Variants in HACD2 observed in about 807,000 individuals in gnomAD.
The protein encoded by HACD2 is very-long-chain (3R)-3-hydroxyacyl-CoA dehydratase 2.
A neutral mutation model predicts 31.0 loss-of-function variants in HACD2; 15 were observed. The ratio of observed to expected loss-of-function variants is 0.48; its 90% CI spans 0.32 to 0.75. The LOEUF is 0.75. Among genes scored for constraint, HACD2 ranks in the 30% least tolerant of loss-of-function variants. The pLI, the probability that HACD2 is intolerant of heterozygous loss-of-function variation, is 0.03. For missense variants in HACD2, 283 were observed against 313.0 expected (o/e 0.90, Z 0.72); for synonymous variants, 115 against 122.2 (o/e 0.94, Z 0.39).
intron 4 of HACD2, among the ~76,000 whole-genome samples, chr3:123,503,181 C>G (rs2055926763): frequency 6.6e-6 from 1 of 151,582 alleles, no homozygotes; most frequent in Non-Finnish European, 1.5e-5. Context: ...AGGAGAGTCG[C>G]TTGAACCCGG....
At chr3:123,509,255 G>A (rs2056019700) in intron 4 of HACD2, among the ~76,000 whole-genome samples, 1 of 151,916 alleles carries the variant, frequency 6.6e-6, no homozygotes, top group Non-Finnish European at 1.5e-5. Flanking sequence ...ATGGTGGCAT[G>A]TGCCTATAGT....
At chr3:123,536,594 A>G (rs1401122286) in intron 3 of HACD2, among the ~76,000 whole-genome samples, 1 of 152,206 alleles carries the variant, frequency 6.6e-6, no homozygotes, top group African/African-American at 2.4e-5. Flanking sequence ...AAATGAAAAA[A>G]CTAAATCTGC....
chr3:123,531,170 G>C (rs1221676695), intron 3 of HACD2, among the ~76,000 whole-genome samples: 3 of 152,004 alleles, frequency 2.0e-5, no homozygotes, highest in African/African-American at 7.2e-5. Context: ...TAAACAAATG[G>C]AACTAGAAGG....
At chr3:123,500,912 G>C (rs1040948692) in intron 5 of HACD2, among the ~76,000 whole-genome samples, 1 of 152,122 alleles carries the variant, frequency 6.6e-6, no homozygotes, top group Non-Finnish European at 1.5e-5. Context: ...AATAAAGGCC[G>C]TTCAGGCAGC....
At chr3:123,527,999 C>T (rs2056306133) in intron 4 of HACD2, among the ~76,000 whole-genome samples, 1 of 152,146 alleles carries the variant, frequency 6.6e-6, no homozygotes, top group Non-Finnish European at 1.5e-5. Context: ...TGGCTCATGC[C>T]TGAAATCCTA....
At chr3:123,547,717 G>A (rs1366897288) in intron 3 of HACD2, among the ~76,000 whole-genome samples, 1 of 152,088 alleles carries the variant, frequency 6.6e-6, no homozygotes, top group Non-Finnish European at 1.5e-5. Flanking sequence ...CAAGCATTAC[G>A]TTAGATTACA....
intron 3 of HACD2, among the ~76,000 whole-genome samples, chr3:123,536,468 C>T (rs181729394): frequency 1.2e-4 from 19 of 152,234 alleles, no homozygotes; most frequent in African/African-American, 4.6e-4. Context: ...CCATTGCATC[C>T]AGGGGGAAAG....
chr3:123,558,697 G>A (rs570473289), intron 3 of HACD2, among the ~76,000 whole-genome samples: 10 of 152,242 alleles, frequency 6.6e-5, no homozygotes, highest in African/African-American at 1.2e-4. Flanking sequence ...CAAATTTTCC[G>A]AAGCTTTCTT....
At chr3:123,521,953 T>A (rs1396964728) in intron 4 of HACD2, among the ~76,000 whole-genome samples, 1 of 152,116 alleles carries the variant, frequency 6.6e-6, no homozygotes, top group Admixed American at 6.5e-5. Context: ...GTGGAATTTT[T>A]CAAGGGCTAT....
chr3:123,518,431 G>C (rs962165513), intron 4 of HACD2, among the ~76,000 whole-genome samples: 5 of 152,162 alleles, frequency 3.3e-5, no homozygotes, highest in Admixed American at 6.5e-5. Flanking sequence ...ACAGACCTCT[G>C]CCGCCAGTAG....
intron 6 of HACD2, among the ~76,000 whole-genome samples, chr3:123,495,198 G>A (rs943107875): frequency 3.3e-5 from 5 of 152,168 alleles, no homozygotes; most frequent in African/African-American, 1.2e-4. Context: ...TACAATGACA[G>A]ACACTATTGT....
intron 2 of HACD2, among the ~76,000 whole-genome samples, chr3:123,570,917 TACACACAC>T (rs149856963): frequency 1.5e-4 from 21 of 144,762 alleles, no homozygotes; most frequent in African/African-American, 3.1e-4. Context: ...TTCATACCAT[TACACACAC>T]ACACACACAC....
chr3:123,524,409 A>G (rs748905902), intron 4 of HACD2, among the ~76,000 whole-genome samples: 12 of 152,184 alleles, frequency 7.9e-5, no homozygotes, highest in Admixed American at 6.5e-4. Context: ...GGCTAATTAG[A>G]AGGATTCATC....
chr3:123,550,293 C>T (rs77871634), intron 3 of HACD2, among the ~76,000 whole-genome samples: 3,752 of 152,112 alleles, frequency 0.025, 66 homozygotes, highest in Middle Eastern at 0.089. Context: ...TTGGTATCTG[C>T]GCAGTGAGGA....
chr3:123,570,949 C>A (rs1045381643), intron 2 of HACD2, among the ~76,000 whole-genome samples: 4 of 151,492 alleles, frequency 2.6e-5, no homozygotes, highest in Admixed American at 2.6e-4. Flanking sequence ...CACACATACA[C>A]ACACACACAG....
At chr3:123,517,343 CTGTT>C (rs1334990872) in intron 4 of HACD2, among the ~76,000 whole-genome samples, 1 of 152,154 alleles carries the variant, frequency 6.6e-6, no homozygotes, top group East Asian at 1.9e-4. Context: ...TTCCTTAGTC[CTGTT>C]TGATTTGCTC....
At chr3:123,511,776 C>G (rs1196548512) in intron 4 of HACD2, among the ~76,000 whole-genome samples, 3 of 152,196 alleles carry the variant, frequency 2.0e-5, no homozygotes, top group Non-Finnish European at 4.4e-5. Context: ...GTTTTGCTAA[C>G]AATCATTTCT....
intron 3 of HACD2, among the ~76,000 whole-genome samples, chr3:123,546,273 G>C (rs2056558703): frequency 6.6e-6 from 1 of 152,128 alleles, no homozygotes; most frequent in South Asian, 2.1e-4. Context: ...CCAAGTGGAT[G>C]GACTCATGGA....
At chr3:123,569,037 G>A (rs1050888285) in intron 2 of HACD2, among the ~76,000 whole-genome samples, 1 of 152,148 alleles carries the variant, frequency 6.6e-6, no homozygotes, top group African/African-American at 2.4e-5. Flanking sequence ...AAACATGCCT[G>A]AGCCTGATAA....
Sources: gnomAD v4.1 joint callset for allele counts (sites outside exome capture counted in the v4.1 genomes callset) on GRCh38, gnomAD v4.1.1 for gene constraint, MANE v1.5 for transcripts, NCBI Gene and HGNC (gene_info 2026-07-23, HGNC 2026-07-21) for gene names.